The following FGF13 variants were observed in gnomAD, a reference collection of about 807,000 sequenced individuals.
FGF13 encodes the protein fibroblast growth factor 13, also known as fibroblast growth factor homologous factor 2.
A neutral mutation model predicts 19.5 loss-of-function variants in FGF13; 2 were observed. That is an observed-to-expected ratio of 0.10 (90% CI 0.04 to 0.32). The LOEUF is 0.32. Ranked by LOEUF, FGF13 falls within the 10% of genes least tolerant of loss-of-function variation. The pLI, the probability that FGF13 is intolerant of heterozygous loss-of-function variation, is 1.00. For synonymous variants in FGF13, 72 were observed against 76.9 expected (o/e 0.94, Z 0.33); for missense variants, 113 against 192.7 (o/e 0.59, Z 2.45).
At chrX:139,083,921 T>G (rs983916294) in intron 1 of FGF13, among the ~76,000 whole-genome samples, 3 of 106,200 alleles carry the variant, frequency 2.8e-5, no homozygotes, top group Non-Finnish European at 5.9e-5. Flanking sequence ...AGGGAGAGAG[T>G]CCATGGCTTG....
downstream of FGF13, among the ~76,000 whole-genome samples, chrX:138,856,182 A>AT (rs1331448102): frequency 9.0e-6 from 1 of 111,663 alleles, no homozygotes; most frequent in Non-Finnish European, 1.9e-5. Flanking sequence ...CCAGATGAAT[A>AT]TATGTGGAAG....
At chrX:139,060,710 T>C (rs2092333757) in intron 1 of FGF13, among the ~76,000 whole-genome samples, 1 of 111,988 alleles carries the variant, frequency 8.9e-6, no homozygotes, top group Non-Finnish European at 1.9e-5. Flanking sequence ...AATTTTCATT[T>C]AACGTATATA....
chrX:139,140,499 T>C (rs1215873145), intron 1 of FGF13, among the ~76,000 whole-genome samples: 1 of 111,699 alleles, frequency 9.0e-6, no homozygotes, highest in Non-Finnish European at 1.9e-5. Flanking sequence ...CTAATGTATC[T>C]ACTGCAACAG....
intron 1 of FGF13, among the ~76,000 whole-genome samples, chrX:139,024,208 G>C (rs1295105972): frequency 9.0e-6 from 1 of 111,256 alleles, no homozygotes; most frequent in Admixed American, 9.6e-5. Context: ...AGTCTCCCCT[G>C]TAAGCCATTT....
chrX:138,728,964 A>C (rs2090206835), intron 1 of FGF13, among the ~76,000 whole-genome samples: 1 of 111,307 alleles, frequency 9.0e-6, no homozygotes, highest in Admixed American at 9.5e-5. Flanking sequence ...AATGTCACTA[A>C]AGCTCAGATC....
rs1295618733 is a variant in FGF13, at chrX:138,984,585, A to G, written c.-112-119935T>C. On this transcript the variant is annotated intron_variant, in intron 1 of 2. Transcript: ENST00000421460. ...GAAGAAGAAGAAGAAGAAGAAGAAG[A>G]AGAAGGAGGAGGAGGAGGAGGAGGA... is the stretch of plus-strand genomic sequence containing the variant. Among the ~76,000 whole-genome samples, 110 of 18,226 alleles carry G rather than the reference A, an allele frequency of 6.0e-3. 1 individual carries two copies. Among genetic ancestry groups the G allele is most frequent in the Non-Finnish European group, 7.3e-3 (59 of 8,116 alleles). The allele number at this position is 18,226 out of a possible 115,157, so 15.8% of individuals were successfully genotyped here. A position where few individuals can be genotyped will look rare whatever the true frequency, so the allele number is the denominator to read the frequency against.
At chrX:138,953,901 T>C (rs1225857889) in intron 1 of FGF13, among the ~76,000 whole-genome samples, 3 of 109,978 alleles carry the variant, frequency 2.7e-5, no homozygotes, top group Non-Finnish European at 5.7e-5. Context: ...AAAAAATAAA[T>C]AAACATAGAA....
At chrX:138,982,046 C>T (rs1403958062) in intron 1 of FGF13, among the ~76,000 whole-genome samples, 2 of 111,589 alleles carry the variant, frequency 1.8e-5, no homozygotes, top group African/African-American at 3.3e-5. Flanking sequence ...TAACTAACAG[C>T]GGAGGACATG....
intron 1 of FGF13, among the ~76,000 whole-genome samples, chrX:139,150,716 G>T (rs2083927893): frequency 8.9e-6 from 1 of 111,849 alleles, no homozygotes; most frequent in Admixed American, 9.5e-5. Flanking sequence ...AACAGCCAAT[G>T]CCTGCACAGA....
At chrX:138,783,796 G>T (rs1207028081) in intron 3 of FGF13, among the ~76,000 whole-genome samples, 3 of 109,571 alleles carry the variant, frequency 2.7e-5, no homozygotes, top group Admixed American at 9.8e-5. Flanking sequence ...ACCATTTGAC[G>T]CAGCCATCCC....
At chrX:138,888,437 T>G (rs2091461604) in intron 1 of FGF13, among the ~76,000 whole-genome samples, 1 of 110,839 alleles carries the variant, frequency 9.0e-6, no homozygotes, top group Non-Finnish European at 1.9e-5. Context: ...GCCACCTATA[T>G]CTATAGCTTA....
intron 1 of FGF13, among the ~76,000 whole-genome samples, chrX:139,147,320 C>G (rs769837485): frequency 9.1e-6 from 1 of 110,375 alleles, no homozygotes; most frequent in Non-Finnish European, 1.9e-5. Flanking sequence ...CCTCCGTGTT[C>G]CATCTCCCCA....
chrX:138,652,457 T>C (rs1474154642), intron 3 of FGF13, among the ~76,000 whole-genome samples: 2 of 112,136 alleles, frequency 1.8e-5, no homozygotes, highest in Non-Finnish European at 3.8e-5. Flanking sequence ...ACTCCAGTGT[T>C]TGGAACAGTA....
intron 1 of FGF13, among the ~76,000 whole-genome samples, chrX:139,189,372 A>G (rs1383340479): frequency 8.9e-6 from 1 of 112,001 alleles, no homozygotes; most frequent in Non-Finnish European, 1.9e-5. Flanking sequence ...AAGAGTCAGA[A>G]GATGAAAGCA....
intron 3 of FGF13, among the ~76,000 whole-genome samples, chrX:138,766,761 G>A (rs1414191183): frequency 9.0e-6 from 1 of 111,674 alleles, no homozygotes; most frequent in Non-Finnish European, 1.9e-5. Context: ...GATCCTTCCT[G>A]TTAGAATCTT....
intron 1 of FGF13, among the ~76,000 whole-genome samples, chrX:139,171,762 T>C (rs1215830335): frequency 1.8e-5 from 2 of 111,879 alleles, no homozygotes; most frequent in Admixed American, 1.9e-4. Flanking sequence ...TGTGAAAGAG[T>C]GTGCTAATTG....
At chrX:138,731,165 G>T (rs1301493815) in intron 1 of FGF13, among the ~76,000 whole-genome samples, 1 of 111,284 alleles carries the variant, frequency 9.0e-6, no homozygotes, top group Non-Finnish European at 1.9e-5. Flanking sequence ...GACAGAAATT[G>T]TATACAAAGT....
intron 1 of FGF13, among the ~76,000 whole-genome samples, chrX:139,072,240 G>C (rs769531530): frequency 9.3e-6 from 1 of 107,261 alleles, no homozygotes; most frequent in Admixed American, 1.0e-4. Context: ...AAAAGGAAGA[G>C]AGAACAGAAA....
At position 138,618,269 on chromosome X, in the gene FGF13, C is replaced by G. The variant is rs757430844; in HGVS notation, c.*14581G>C. 2 of 111,557 alleles carry G rather than the reference C, an allele frequency of 1.8e-5. No homozygotes were observed. Among genetic ancestry groups the G allele is most frequent in the South Asian group, 7.6e-4 (2 of 2,619 alleles). The allele number at this position is 111,557 out of a possible 1,213,427, so 9.2% of individuals were successfully genotyped here. ...TCAACCGTCTCTCAAGCTAGCAGAA[C>G]TCAACACCAAGAGATACAACTTTGA... On this transcript the variant is annotated 3_prime_UTR_variant, in exon 5 of 5. Transcript: ENST00000315930.
Sources: gnomAD v4.1 joint callset for allele counts (sites outside exome capture counted in the v4.1 genomes callset) on GRCh38, gnomAD v4.1.1 for gene constraint, MANE v1.5 for transcripts, NCBI Gene and HGNC (gene_info 2026-07-23, HGNC 2026-07-21) for gene names.